VPS13B: variants seen among roughly 807,000 people sequenced by gnomAD.
VPS13B encodes intermembrane lipid transfer protein VPS13B.
VPS13B carries 285 observed loss-of-function variants against 426.4 expected under a neutral mutation model. That is an observed-to-expected ratio of 0.67 (90% CI 0.61 to 0.74). The LOEUF (loss-of-function observed/expected upper bound fraction) is 0.74. Among genes scored for constraint, VPS13B ranks in the 30% least tolerant of loss-of-function variants. The pLI, the probability that VPS13B is intolerant of heterozygous loss-of-function variation, is 0.00. For synonymous variants in VPS13B, 1,676 were observed against 1,676.4 expected (o/e 1.00, Z 0.01); for missense variants, 4,537 against 4,782.6 (o/e 0.95, Z 1.51).
chr8:99,526,170 G>C (rs779239773), intron 30 of VPS13B, among the ~76,000 whole-genome samples: 50 of 152,088 alleles, frequency 3.3e-4, no homozygotes, highest in Non-Finnish European at 8.8e-5. Context: ...TTAAATATAC[G>C]TTTGAAAATA....
At chr8:99,348,702 T>C (rs1811684023) in intron 19 of VPS13B, among the ~76,000 whole-genome samples, 1 of 152,206 alleles carries the variant, frequency 6.6e-6, no homozygotes, top group Non-Finnish European at 1.5e-5. Context: ...GTACAATCAT[T>C]ACTTATAAGG....
At chr8:99,022,100 T>C (rs774838875) in intron 2 of VPS13B, among the ~76,000 whole-genome samples, 28 of 152,020 alleles carry the variant, frequency 1.8e-4, no homozygotes, top group Non-Finnish European at 3.4e-4. Context: ...TGAATTGTAC[T>C]TGTGCTTTCT....
At position 99,352,778 on chromosome 8, in the gene VPS13B, C is replaced by T. The variant is rs1046056237; in HGVS notation, c.2825-31430C>T. 9.9e-5 allele frequency among the ~76,000 whole-genome samples: 15 copies of T among 151,218 alleles called. No individual in the cohort carries two copies. The South Asian group carries it at 1.3e-3, about 13-fold the overall frequency. On this transcript the variant is annotated intron_variant, in intron 19 of 61. Coordinates refer to ENST00000357162, the MANE Select transcript of VPS13B (RefSeq NM_152564.5). Reference sequence around the variant, plus strand: ...GGCGGAGGTTGCTGTGAGCCAGGATCGTGCCATTGCACTCCAGCCTGGGCA... The same window carrying T: ...GGCGGAGGTTGCTGTGAGCCAGGATTGTGCCATTGCACTCCAGCCTGGGCA...
intron 5 of VPS13B, among the ~76,000 whole-genome samples, chr8:99,109,041 A>G (rs191203522): frequency 1.6e-3 from 237 of 152,194 alleles, no homozygotes; most frequent in African/African-American, 5.3e-3. Flanking sequence ...ATTTCTTTGA[A>G]TAAGCTTCCT....
rs1429584537 is a variant in VPS13B at position 99,714,120 on chromosome 8, CAG to C, written c.6455-3048_6455-3047del. ...TGCCACTGCACTCCAGCCTGTGTGA[CAG>C]AGTGAGACTCTGTCTCAAAAAAAAA... On this transcript the variant is annotated intron_variant, in intron 36 of 61. Coordinates refer to ENST00000357162, the MANE Select transcript of VPS13B (RefSeq NM_152564.5). Among the ~76,000 whole-genome samples the C allele has an allele frequency of 2.4e-5, 3 of 127,282 alleles. No individual in the cohort carries two copies. In the Admixed American group the frequency reaches 2.8e-4, roughly 12 times the overall value. The allele number at this position is 127,282 out of a possible 152,430, so 83.5% of individuals were successfully genotyped here. A position where few individuals can be genotyped will look rare whatever the true frequency, so the allele number is the denominator to read the frequency against.
At chr8:99,312,691 A>G (rs1002832444) in intron 19 of VPS13B, among the ~76,000 whole-genome samples, 4 of 151,952 alleles carry the variant, frequency 2.6e-5, no homozygotes, top group Non-Finnish European at 4.4e-5. Flanking sequence ...CGTTCTCTGT[A>G]TTTCCTGAAT....
At chr8:99,203,371 TAA>T (rs1385874672) in intron 17 of VPS13B, among the ~76,000 whole-genome samples, 1 of 152,166 alleles carries the variant, frequency 6.6e-6, no homozygotes, top group Admixed American at 6.5e-5. Context: ...CTCAAAATAA[TAA>T]GAGTTATTTA....
intron 20 of VPS13B, among the ~76,000 whole-genome samples, chr8:99,390,205 C>T (rs983149654): frequency 2.0e-5 from 3 of 151,526 alleles, no homozygotes; most frequent in Admixed American, 6.6e-5. Context: ...TCAAGCCATT[C>T]TCCTGCCTCA....
chr8:99,581,003 A>ACACACACACACACACACACC (rs1826027995), intron 33 of VPS13B, among the ~76,000 whole-genome samples: 1 of 150,668 alleles, frequency 6.6e-6, no homozygotes, highest in South Asian at 2.1e-4. Flanking sequence ...ACACACACAC[A>ACACACACACACACACACACC]CACACACACA....
At chr8:99,863,131 T>G (rs367956870) in intron 58 of VPS13B, among the ~76,000 whole-genome samples, 1 of 152,160 alleles carries the variant, frequency 6.6e-6, no homozygotes, top group Non-Finnish European at 1.5e-5. Context: ...CTTTTGTATA[T>G]TGGGCCTGGT....
intron 39 of VPS13B, among the ~76,000 whole-genome samples, chr8:99,759,783 AC>A (rs1347087087): frequency 6.6e-6 from 1 of 151,750 alleles, no homozygotes; most frequent in Non-Finnish European, 1.5e-5. Context: ...TATTCTTGGC[AC>A]TTCCCTCTCA....
At position 99,255,449 on chromosome 8, in the gene VPS13B, A is replaced by G. The variant is rs573583453; in HGVS notation, c.2516-18749A>G. Reference sequence around the variant, plus strand: ...TGGTACGATGAGTGATTTTTATTTGAAACCTGGATGTTTGGATATTGTTTT... The same window carrying G: ...TGGTACGATGAGTGATTTTTATTTGGAACCTGGATGTTTGGATATTGTTTT... On this transcript the variant is annotated intron_variant, in intron 17 of 61. Coordinates refer to ENST00000357162, the MANE Select transcript of VPS13B (RefSeq NM_152564.5). Among the ~76,000 whole-genome samples the G allele has an allele frequency of 2.6e-5, 4 of 152,140 alleles. No homozygotes were observed. The East Asian group carries it at 5.8e-4, about 22-fold the overall frequency.
chr8:99,638,533 G>A (rs568628724), intron 33 of VPS13B, among the ~76,000 whole-genome samples: 2 of 152,114 alleles, frequency 1.3e-5, no homozygotes, highest in East Asian at 3.8e-4. Context: ...CACCTGGAAG[G>A]GTTGCTGAAG....
At chr8:99,269,585 TAGCCTTA>T (rs1818469101) in intron 17 of VPS13B, among the ~76,000 whole-genome samples, 1 of 152,244 alleles carries the variant, frequency 6.6e-6, no homozygotes, top group Non-Finnish European at 1.5e-5. Context: ...AAATAGTGAC[TAGCCTTA>T]AGCCACTGTA....
rs73702025 is a variant in VPS13B, at chr8:99,514,861, A to G, written c.4633+3349A>G. ...TTTGGAATTCTGTTTTTGAGGAACC[A>G]CCAAACTTCTTGGAAGCCCTTGTGG... On this transcript the variant is annotated intron_variant, in intron 29 of 61. Coordinates refer to ENST00000357162, the MANE Select transcript of VPS13B (RefSeq NM_152564.5). 4.2e-3 allele frequency among the ~76,000 whole-genome samples: 646 copies of G among 152,284 alleles called. 5 individuals carry two copies. Among genetic ancestry groups the G allele is most frequent in the African/African-American group, 0.014 (599 of 41,570 alleles).
At chr8:99,186,999 C>A (rs568862891) in intron 16 of VPS13B, among the ~76,000 whole-genome samples, 59 of 152,046 alleles carry the variant, frequency 3.9e-4, no homozygotes, top group Non-Finnish European at 7.1e-4. Context: ...ATAGTAAAGA[C>A]CTGCTTGTAA....
At chr8:99,216,447 C>T (rs1026342077) in intron 17 of VPS13B, among the ~76,000 whole-genome samples, 5 of 151,718 alleles carry the variant, frequency 3.3e-5, no homozygotes, top group Non-Finnish European at 5.9e-5. Context: ...TGTTTACTGT[C>T]TTTTCTTTTC....
intron 33 of VPS13B, among the ~76,000 whole-genome samples, chr8:99,607,468 C>T (rs935383765): frequency 1.3e-5 from 2 of 152,148 alleles, no homozygotes; most frequent in African/African-American, 4.8e-5. Flanking sequence ...TTCAGATTGT[C>T]CCAGGTATTT....
intron 16 of VPS13B, among the ~76,000 whole-genome samples, chr8:99,181,251 A>G (rs1330272101): frequency 6.6e-6 from 1 of 152,204 alleles, no homozygotes; most frequent in Non-Finnish European, 1.5e-5. Flanking sequence ...TGTTCTCATG[A>G]TAAATATCGA....
Sources: allele counts gnomAD v4.1 joint callset (sites outside exome capture counted in the v4.1 genomes callset), GRCh38; gene constraint gnomAD v4.1.1; transcripts MANE v1.5; gene names NCBI Gene and HGNC (gene_info 2026-07-23, HGNC 2026-07-21).